Variants in TNS1 observed in about 807,000 individuals in gnomAD.
TNS1 encodes the protein tensin 1, also known as tensin-1.
In TNS1, 62 loss-of-function variants were observed where a neutral mutation model predicts 168.6. The ratio of observed to expected loss-of-function variants is 0.37; its 90% confidence interval spans 0.30 to 0.45. The LOEUF (loss-of-function observed/expected upper bound fraction) is 0.45, where lower values mean the gene tolerates loss of function less well. Ranked by LOEUF, TNS1 falls within the 20% of genes least tolerant of loss-of-function variation. The probability of loss-of-function intolerance (pLI) is 1.00; values close to 1 mark genes in which losing one functional copy is unlikely to be tolerated. For synonymous variants in TNS1, 934 were observed against 933.2 expected, an observed-to-expected ratio of 1.00 and a Z score of -0.02; for missense variants, 2,240 against 2,339.4, an observed-to-expected ratio of 0.96 and a Z score of 0.88.
intron 4 of TNS1, among the ~76,000 whole-genome samples, chr2:217,912,746 G>A (rs1954570550): frequency 6.6e-6 from 1 of 152,134 alleles, no homozygotes; most frequent in Non-Finnish European, 1.5e-5. Flanking sequence ...TTAGAGGTGC[G>A]GCCCCATTTA....
chr2:217,900,353 G>A lies in TNS1; in HGVS notation c.371+110C>T, dbSNP rs955887944. 7.3e-5 allele frequency: 93 copies of A among 1,269,168 alleles called. No individual in the cohort carries two copies. The East Asian group carries it at 1.2e-3, about 16-fold the overall frequency. 78.6% of individuals were successfully genotyped at this position (1,269,168 alleles called of 1,614,324 possible). On this transcript the variant is annotated intron_variant, in intron 7 of 32. Coordinates refer to ENST00000682258, the MANE Select transcript of TNS1 (RefSeq NM_001387777.1). ...TCACGTTTGCCCACACTCCCCACCC[G>A]TGGCTTTATGGCTGCAGTCCGGGGG...
rs768354702 is a variant in TNS1, at chr2:217,810,284, C to A, written c.5068G>T (p.Ala1690Ser). 1 of 1,614,162 alleles carries A rather than the reference C, an allele frequency of 6.2e-7. No individual in the cohort carries two copies. Among genetic ancestry groups the A allele is most frequent in the Admixed American group, 1.7e-5 (1 of 60,028 alleles). Residue 1690 changes from alanine to serine, a missense_variant, in exon 29 of 33, where the codon GCC becomes TCC. Physicochemically the swap from Ala to Ser is moderately conservative, Grantham distance 99. Around this residue, in one of 2 missense-constraint regions of TNS1, gnomAD observed 2,131 missense variants for 2,171.2 expected, o/e 0.98. Transcript: ENST00000682258. The stretch of plus-strand genomic sequence containing the variant: ...TTCAGCAGGTCTGCAGTTGAGTTGG[C>A]AGGGCCGGAGCTATCTTTCGATTCA... ...TDESKDSSGP[A>S]NSTADLLKQG...
Position 217,886,571 on chromosome 2 carries a change from C to A in TNS1, c.942G>T (p.Val314=). ...MNNKPLFLHH[V]IMHGIPNFES... is the part of the protein sequence containing the mutation. Reference sequence around the variant, plus strand: ...CAAAGTTGGGGATGCCGTGCATGATCACGTGGTGCAGAAACAAGGGCTTGT... The same window carrying A: ...CAAAGTTGGGGATGCCGTGCATGATAACGTGGTGCAGAAACAAGGGCTTGT... Residue 314 remains valine, a synonymous_variant, in exon 13 of 33, where the codon GTG becomes GTT. Coordinates refer to ENST00000682258, the MANE Select transcript of TNS1 (RefSeq NM_001387777.1). The A allele has an allele frequency of 6.2e-7, 1 of 1,605,602 alleles. No individual in the cohort carries two copies. The highest frequency in any genetic ancestry group is 8.5e-7 in the Non-Finnish European group (1 of 1,176,450).
chr2:217,878,191 G>A (rs530482315), intron 18 of TNS1, among the ~76,000 whole-genome samples: 3 of 152,152 alleles, frequency 2.0e-5, no homozygotes, highest in Non-Finnish European at 2.9e-5. Context: ...AGTGGCCTCC[G>A]GGGTGCCACG....
chr2:217,955,443 C>T (rs751890906), intron 3 of TNS1, among the ~76,000 whole-genome samples: 1 of 152,106 alleles, frequency 6.6e-6, no homozygotes, highest in Non-Finnish European at 1.5e-5. Context: ...CCGCACAGTG[C>T]CCGTCCACCA....
chr2:217,893,019 G>A lies in TNS1; in HGVS notation c.718-7C>T. 1 of 1,614,122 alleles carries A rather than the reference G, an allele frequency of 6.2e-7. No individual in the cohort carries two copies. Among genetic ancestry groups the A allele is most frequent in the Non-Finnish European group, 8.5e-7 (1 of 1,179,968 alleles). The stretch of plus-strand genomic sequence containing the variant: ...CTATCCTGCCTCGGTTTCCCTGAAA[G>A]AGCCCCAAACACAAAATCATTTATT... On this transcript the variant is annotated splice_polypyrimidine_tract_variant and splice_region_variant and intron_variant, in intron 10 of 32. Transcript: ENST00000682258.
chr2:217,864,762 G>A (rs180824803), intron 18 of TNS1, among the ~76,000 whole-genome samples: 22 of 152,324 alleles, frequency 1.4e-4, no homozygotes, highest in Non-Finnish European at 2.2e-4. Flanking sequence ...TAATTCACAC[G>A]AATGAAACCA....
In TNS1 at chr2:217,851,073, C is replaced by T. The variant is rs182558575; in HGVS notation, c.1430-1986G>A. Among the ~76,000 whole-genome samples, 3 of 152,116 alleles carry T rather than the reference C, an allele frequency of 2.0e-5. No homozygotes were observed. The East Asian group carries it at 5.8e-4, about 30-fold the overall frequency. ...CAAGATTTAAAATCAGAGCTAATTT[C>T]CTTCAAACAGTATGTAATTTTTATT... is the stretch of plus-strand genomic sequence containing the variant. On this transcript the variant is annotated intron_variant, in intron 18 of 32. Coordinates refer to ENST00000682258, the MANE Select transcript of TNS1 (RefSeq NM_001387777.1).
chr2:217,869,482 A>T (rs1949576717), intron 18 of TNS1, among the ~76,000 whole-genome samples: 1 of 152,140 alleles, frequency 6.6e-6, no homozygotes, highest in African/African-American at 2.4e-5. Flanking sequence ...CTGGAGCCTG[A>T]AGGCAAGAAG....
intron 1 of TNS1, among the ~76,000 whole-genome samples, chr2:218,026,209 A>C (rs751871741): frequency 6.6e-6 from 1 of 152,206 alleles, no homozygotes; most frequent in Non-Finnish European, 1.5e-5. Flanking sequence ...GAGAGGTTAC[A>C]TAAGATCTTC....
In TNS1 at chr2:217,983,595, C is replaced by T. The variant is rs578009704; in HGVS notation, c.149-4793G>A. Among the ~76,000 whole-genome samples, 6 of 152,354 alleles carry T rather than the reference C, an allele frequency of 3.9e-5. No individual in the cohort carries two copies. In the East Asian group the frequency reaches 7.7e-4, roughly 20 times the overall value. ...TGTCCTGGGGTTGCTTCCTGCCTCT[C>T]GGGAACACAGGAAGCCAACATTGTT... On this transcript the variant is annotated intron_variant, in intron 2 of 32. Coordinates refer to ENST00000682258, the MANE Select transcript of TNS1 (RefSeq NM_001387777.1).
chr2:218,015,570 T>C (rs969612979), intron 1 of TNS1, among the ~76,000 whole-genome samples: 1 of 152,120 alleles, frequency 6.6e-6, no homozygotes, highest in Non-Finnish European at 1.5e-5. Context: ...GGAGAACAGC[T>C]TGATCACTCT....
At chr2:217,952,122 G>A (rs1169101524) in intron 3 of TNS1, among the ~76,000 whole-genome samples, 1 of 152,242 alleles carries the variant, frequency 6.6e-6, no homozygotes, top group Admixed American at 6.5e-5. Context: ...GACCTGAAGG[G>A]AAAGAACAGG....
Position 217,831,539 on chromosome 2 carries a change from G to A in TNS1, c.3289C>T (p.Pro1097Ser), listed in dbSNP as rs780753977. 8 of 1,523,852 alleles carry A rather than the reference G, an allele frequency of 5.2e-6. No individual in the cohort carries two copies. Among genetic ancestry groups the A allele is most frequent in the Non-Finnish European group, 6.1e-6 (7 of 1,140,002 alleles). The allele number at this position is 1,523,852 out of a possible 1,614,324, so 94.4% of individuals were successfully genotyped here. The part of the protein sequence containing the change: ...SSPPPSGVRS[P>S]PGLAKTPLSA... ...AGGGGTGTCTTGGCCAGACCCGGGG[G>A]GGACCGCACTGTGCCAGGAAGAAGA... Residue 1097 changes from proline to serine, a missense_variant, in exon 22 of 33, where the codon CCC becomes TCC. Physicochemically the swap from Pro to Ser is moderately conservative, Grantham distance 74. Coordinates refer to ENST00000682258, the MANE Select transcript of TNS1 (RefSeq NM_001387777.1).
chr2:217,863,349 T>G (rs1247057698), intron 18 of TNS1, among the ~76,000 whole-genome samples: 1 of 152,102 alleles, frequency 6.6e-6, no homozygotes, highest in Non-Finnish European at 1.5e-5. Flanking sequence ...CTGCAGATAT[T>G]TGGGGTTATC....
intron 3 of TNS1, among the ~76,000 whole-genome samples, chr2:217,966,575 G>A (rs1240662165): frequency 6.6e-6 from 1 of 152,072 alleles, no homozygotes; most frequent in Non-Finnish European, 1.5e-5. Flanking sequence ...CGCTGCCAGG[G>A]ACCCAGCATC....
chr2:218,001,066 T>C (rs2105977645), intron 1 of TNS1, among the ~76,000 whole-genome samples: 1 of 152,014 alleles, frequency 6.6e-6, no homozygotes, highest in Middle Eastern at 3.4e-3. Flanking sequence ...GGCAGGAGAA[T>C]TGCTTGGACC....
chr2:217,877,191 A>G (rs1056200933), intron 18 of TNS1, among the ~76,000 whole-genome samples: 1 of 152,090 alleles, frequency 6.6e-6, no homozygotes, highest in African/African-American at 2.4e-5. Flanking sequence ...TTTGCTACAC[A>G]GAGACACAGC....
intron 5 of TNS1, among the ~76,000 whole-genome samples, chr2:217,906,984 C>A (rs1382577663): frequency 6.6e-6 from 1 of 152,212 alleles, no homozygotes; most frequent in African/African-American, 2.4e-5. Flanking sequence ...TCTCTGCCTG[C>A]CCAGTTGCCT....
Sources: allele counts gnomAD v4.1 joint callset (sites outside exome capture counted in the v4.1 genomes callset), GRCh38; gene constraint gnomAD v4.1.1; regional missense constraint gnomAD v4.1.1; transcripts MANE v1.5; gene names NCBI Gene and HGNC (gene_info 2026-07-23, HGNC 2026-07-21).